TG: variants seen among roughly 807,000 people sequenced by gnomAD.
The protein encoded by TG is thyroglobulin, also known as thyroid hormones.
Under a neutral mutation model 324.7 loss-of-function variants are expected in TG, and 270 were observed. That is an observed-to-expected ratio of 0.83 (90% confidence interval 0.75 to 0.92). TG has a LOEUF of 0.92. TG is among the 40% of genes least tolerant of loss of function. The pLI is 0.00. For synonymous variants in TG, 1,401 were observed against 1,327.0 expected, an observed-to-expected ratio of 1.06 and a Z score of -1.21; for missense variants, 3,591 against 3,456.4, an observed-to-expected ratio of 1.04 and a Z score of -0.98.
chr8:133,091,231 C>T (rs1021790699), intron 41 of TG, among the ~76,000 whole-genome samples: 6 of 152,228 alleles, frequency 3.9e-5, no homozygotes, highest in East Asian at 1.9e-4. Context: ...CTCGATTCCA[C>T]GAAGTGCCTG....
At position 133,029,912 on chromosome 8, in the gene TG, C is replaced by A; in HGVS notation, c.7128C>A (p.Asp2376Glu). The change falls in exon 41 of 48, where the codon GAC (aspartate) becomes GAA (glutamate). Residue 2376 changes from aspartate to glutamate, a missense_variant. Transcript: ENST00000220616. Reference protein sequence around the residue: ...VQTHIRGFGGDPRRVSLAADR... With the variant: ...VQTHIRGFGGEPRRVSLAADR... ...CCCACATCCGAGGATTTGGCGGGGA[C>A]CCTCGGCGCGTGTCCCTGGCAGCAG... 2 of 1,614,192 alleles carry A rather than the reference C, an allele frequency of 1.2e-6. No individual in the cohort carries two copies. Among genetic ancestry groups the A allele is most frequent in the South Asian group, 2.2e-5 (2 of 91,080 alleles).
chr8:132,891,999 A>G (rs928748158), intron 10 of TG, among the ~76,000 whole-genome samples: 1 of 152,190 alleles, frequency 6.6e-6, no homozygotes, highest in African/African-American at 2.4e-5. Flanking sequence ...AACACTTAAA[A>G]GGCTTATTAC....
Position 132,888,206 on chromosome 8 carries a change from C to T in TG, c.2399C>T (p.Ala800Val). The change falls in exon 10 of 48, where the codon GCC becomes GTC. Residue 800 changes from alanine to valine, a missense_variant. Transcript: ENST00000220616. ...AACAAGGGCCAGGATCTGACGCCTGCCAAGCTGCTAGTGAAGATCATGAGC... is the reference window on the plus strand; with the variant it reads ...AACAAGGGCCAGGATCTGACGCCTGTCAAGCTGCTAGTGAAGATCATGAGC... ...AQNKGQDLTPAKLLVKIMSYR... is the reference protein window; with the variant it reads ...AQNKGQDLTPVKLLVKIMSYR... The T allele has an allele frequency of 1.9e-6, 3 of 1,614,208 alleles. No homozygotes were observed. In the African/African-American group the frequency reaches 4.0e-5, roughly 22 times the overall value.
In TG at chr8:133,011,957, A is replaced by G. The variant is rs1357530512; in HGVS notation, c.6319A>G (p.Ile2107Val). 2.5e-6 allele frequency: 4 copies of G among 1,614,184 alleles called. No homozygotes were observed. The highest frequency in any genetic ancestry group is 3.4e-6 in the Non-Finnish European group (4 of 1,180,024). The change falls in exon 36 of 48, where the codon ATT becomes GTT. Residue 2107 changes from isoleucine (I) to valine (V), a missense_variant. Coordinates refer to ENST00000220616, the MANE Select transcript of TG (RefSeq NM_003235.5). ...CTCTTCAGTGGTTGTTGATCCATCC[A>G]TTAGGCACTTTGATGTTGCCCATGT... ...ALSSVVVDPS[I>V]RHFDVAHVST...
intron 35 of TG, among the ~76,000 whole-genome samples, chr8:133,010,127 G>A (rs1025593573): frequency 1.3e-5 from 2 of 152,202 alleles, no homozygotes; most frequent in African/African-American, 4.8e-5. Context: ...AGGAAACTCA[G>A]ACAGGATAGA....
chr8:132,943,220 CAG>C (rs1004819462), intron 26 of TG, among the ~76,000 whole-genome samples: 20 of 152,090 alleles, frequency 1.3e-4, no homozygotes, highest in Non-Finnish European at 2.1e-4. Context: ...TGTTGGGTAA[CAG>C]GGGTGAATGG....
At chr8:133,129,136 C>T (rs1315749709) in intron 45 of TG, among the ~76,000 whole-genome samples, 1 of 152,218 alleles carries the variant, frequency 6.6e-6, no homozygotes, top group Non-Finnish European at 1.5e-5. Flanking sequence ...CTTTGTGCCT[C>T]CTCCAGATGT....
At chr8:132,982,512 A>G (rs1034138655) in intron 34 of TG, among the ~76,000 whole-genome samples, 2 of 152,194 alleles carry the variant, frequency 1.3e-5, no homozygotes, top group East Asian at 3.8e-4. Flanking sequence ...TCAATGCTGA[A>G]ACTGAAAATA....
At chr8:133,053,849 T>A (rs1302139467) in intron 41 of TG, among the ~76,000 whole-genome samples, 1 of 152,218 alleles carries the variant, frequency 6.6e-6, no homozygotes, top group Admixed American at 6.5e-5. Context: ...AGTGATGTTT[T>A]GATAGCTATG....
chr8:133,056,455 C>T (rs981978467), intron 41 of TG, among the ~76,000 whole-genome samples: 7 of 152,158 alleles, frequency 4.6e-5, no homozygotes, highest in African/African-American at 1.4e-4. Flanking sequence ...CTCATTCATT[C>T]GAGACGAGCC....
At chr8:132,902,896 C>T (rs1818127913) in intron 16 of TG, among the ~76,000 whole-genome samples, 1 of 152,190 alleles carries the variant, frequency 6.6e-6, no homozygotes, top group South Asian at 2.1e-4. Context: ...TTCAAAGGTG[C>T]TTTTCACATC....
At chr8:132,988,464 C>A (rs1831887031) in intron 35 of TG, among the ~76,000 whole-genome samples, 1 of 144,006 alleles carries the variant, frequency 6.9e-6, no homozygotes, top group Non-Finnish European at 1.5e-5. Flanking sequence ...TTGGATACTG[C>A]AGATCCTTGC....
chr8:132,999,269 G>A (rs1833207842), intron 35 of TG, among the ~76,000 whole-genome samples: 1 of 151,984 alleles, frequency 6.6e-6, no homozygotes, highest in Admixed American at 6.6e-5. Context: ...TTTTGATTGG[G>A]GGAAGGTATG....
chr8:132,901,251 A>G, intron 15 of TG, 102 bp from the exon 16 acceptor site: 1 of 1,391,320 alleles, frequency 7.2e-7, no homozygotes, highest in Non-Finnish European at 1.0e-6. Flanking sequence ...CCCTGCAGGC[A>G]GGTGGGCTGA....
At chr8:133,094,426 G>C (rs954060550) in intron 41 of TG, among the ~76,000 whole-genome samples, 3 of 151,878 alleles carry the variant, frequency 2.0e-5, no homozygotes, top group African/African-American at 4.8e-5. Context: ...ATTTTTAGTA[G>C]AGATGGGGTT....
chr8:133,076,778 AAC>A (rs1554717916), intron 41 of TG: 1 of 143,854 alleles, frequency 7.0e-6, no homozygotes, highest in African/African-American at 2.6e-5. Flanking sequence ...AAAAAAAAAA[AAC>A]AACTGCAAAA....
intron 41 of TG, among the ~76,000 whole-genome samples, chr8:133,067,916 A>AAGGAAG (rs1491304237): frequency 6.5e-5 from 6 of 91,854 alleles, no homozygotes; most frequent in South Asian, 2.9e-4. Flanking sequence ...GGAAGGAAGG[A>AAGGAAG]AAGAGAGAGA....
chr8:133,108,415 A>AT (rs1465274547), intron 43 of TG, among the ~76,000 whole-genome samples: 1 of 152,172 alleles, frequency 6.6e-6, no homozygotes, highest in Non-Finnish European at 1.5e-5. Flanking sequence ...GCCTGTCTGA[A>AT]TGGGGCTCAA....
At chr8:132,875,168 A>G (rs1367796859) in intron 5 of TG, among the ~76,000 whole-genome samples, 2 of 152,186 alleles carry the variant, frequency 1.3e-5, no homozygotes, top group Non-Finnish European at 2.9e-5. Context: ...GTAAATTACT[A>G]TACTTCTGTA....
Sources: allele counts gnomAD v4.1 joint callset (sites outside exome capture counted in the v4.1 genomes callset), GRCh38; gene constraint gnomAD v4.1.1; transcripts MANE v1.5; gene names NCBI Gene and HGNC (gene_info 2026-07-23, HGNC 2026-07-21).